Variants in ADAMTS17 observed in about 807,000 individuals in gnomAD.
The protein encoded by ADAMTS17 is A disintegrin and metalloproteinase with thrombospondin motifs 17.
Under a neutral mutation model 141.5 loss-of-function variants are expected in ADAMTS17, and 113 were observed. The ratio of observed to expected loss-of-function variants is 0.80; its 90% CI spans 0.69 to 0.93. The LOEUF is 0.93. ADAMTS17 is among the 40% of genes least tolerant of loss of function. The pLI is 0.00. For missense variants in ADAMTS17, 1,659 were observed against 1,517.9 expected, an observed-to-expected ratio of 1.09 and a Z score of -1.54; for synonymous variants, 768 against 630.6, an observed-to-expected ratio of 1.22 and a Z score of -3.27.
At chr15:100,248,665 T>C (rs1216134001) in intron 7 of ADAMTS17, among the ~76,000 whole-genome samples, 2 of 152,218 alleles carry the variant, frequency 1.3e-5, no homozygotes, top group Non-Finnish European at 1.5e-5. Context: ...CAGATCCTCC[T>C]GCCTTACAGT....
At chr15:100,041,392 A>G (rs2031240967) in intron 18 of ADAMTS17, among the ~76,000 whole-genome samples, 1 of 152,254 alleles carries the variant, frequency 6.6e-6, no homozygotes, top group Non-Finnish European at 1.5e-5. Flanking sequence ...TAAAGACTGC[A>G]AAAATGTTAA....
intron 7 of ADAMTS17, among the ~76,000 whole-genome samples, chr15:100,230,231 G>A (rs1162603894): frequency 1.3e-5 from 2 of 152,220 alleles, no homozygotes; most frequent in Non-Finnish European, 2.9e-5. Flanking sequence ...CGCGGTGCAC[G>A]AAAGCCACAC....
At chr15:100,173,222 C>T (rs375946626) in intron 8 of ADAMTS17, among the ~76,000 whole-genome samples, 41 of 152,120 alleles carry the variant, frequency 2.7e-4, no homozygotes, top group African/African-American at 9.9e-4. Context: ...TCTTTTCCCC[C>T]ACTCCCTACT....
chr15:100,233,157 C>T (rs901407376), intron 7 of ADAMTS17, among the ~76,000 whole-genome samples: 9 of 152,032 alleles, frequency 5.9e-5, no homozygotes, highest in South Asian at 4.2e-4. Context: ...GGTGAAATCC[C>T]GTCTCTACTA....
At chr15:100,200,281 G>A (rs2041276054) in intron 7 of ADAMTS17, among the ~76,000 whole-genome samples, 1 of 152,198 alleles carries the variant, frequency 6.6e-6, no homozygotes, top group African/African-American at 2.4e-5. Flanking sequence ...AGGGGCAGGT[G>A]TTTTCCAGGG....
At chr15:100,010,020 T>C (rs992326821) in intron 18 of ADAMTS17, among the ~76,000 whole-genome samples, 2 of 152,210 alleles carry the variant, frequency 1.3e-5, no homozygotes, top group Admixed American at 1.3e-4. Flanking sequence ...GGTGGTTTTT[T>C]TCCCGTGCTG....
At chr15:100,081,558 G>A (rs1003801312) in intron 15 of ADAMTS17, among the ~76,000 whole-genome samples, 3 of 152,174 alleles carry the variant, frequency 2.0e-5, no homozygotes, top group African/African-American at 7.2e-5. Context: ...ATACTTCTAT[G>A]AATGGCTTTG....
At chr15:100,241,815 C>T (rs1462992980) in intron 7 of ADAMTS17, among the ~76,000 whole-genome samples, 1 of 152,196 alleles carries the variant, frequency 6.6e-6, no homozygotes, top group East Asian at 1.9e-4. Context: ...CAAGCTCCCT[C>T]TCAGCACAAC....
chr15:100,100,434 G>A (rs2036025108), intron 14 of ADAMTS17, among the ~76,000 whole-genome samples: 1 of 152,124 alleles, frequency 6.6e-6, no homozygotes, highest in African/African-American at 2.4e-5. Context: ...ACTACTAAGA[G>A]TCTGCTGAGC....
chr15:100,038,740 C>T (rs1215338407), intron 18 of ADAMTS17, among the ~76,000 whole-genome samples: 1 of 152,136 alleles, frequency 6.6e-6, no homozygotes, highest in Admixed American at 6.5e-5. Context: ...TATCTGTATA[C>T]AAGATCATGT....
intron 10 of ADAMTS17, 117 bp downstream of exon 10, chr15:100,152,495 T>C: frequency 7.4e-7 from 1 of 1,343,440 alleles, no homozygotes; most frequent in Non-Finnish European, 1.1e-6. Flanking sequence ...CCTGTGCTTG[T>C]GTGTGTATGT....
At chr15:100,243,294 TG>T (rs1422362733) in intron 7 of ADAMTS17, among the ~76,000 whole-genome samples, 1 of 152,236 alleles carries the variant, frequency 6.6e-6, no homozygotes, top group Non-Finnish European at 1.5e-5. Flanking sequence ...TGAAGATGGA[TG>T]TACAAATATC....
intron 8 of ADAMTS17, among the ~76,000 whole-genome samples, chr15:100,194,595 A>G (rs1256833679): frequency 1.3e-5 from 2 of 152,188 alleles, no homozygotes; most frequent in African/African-American, 4.8e-5. Flanking sequence ...TCTACTCATC[A>G]TCAGGGGTCA....
chr15:100,081,992 T>C (rs1431352755), intron 15 of ADAMTS17, among the ~76,000 whole-genome samples: 1 of 152,252 alleles, frequency 6.6e-6, no homozygotes, highest in Non-Finnish European at 1.5e-5. Flanking sequence ...ACTCAGACTC[T>C]TTACTTACTA....
chr15:100,160,945 A>G (rs111230569), intron 8 of ADAMTS17, among the ~76,000 whole-genome samples: 3,115 of 152,314 alleles, frequency 0.02, 164 homozygotes, highest in East Asian at 0.19. Context: ...AGAAACTCAT[A>G]TTAGTTTAAG....
At chr15:100,058,186 A>AC (rs112502855) in intron 15 of ADAMTS17, among the ~76,000 whole-genome samples, 7,361 of 19,700 alleles carry the variant, frequency 0.37, 1,897 homozygotes, top group Middle Eastern at 0.5. Context: ...CGGCTCTAAC[A>AC]CCCCTATCCC....
chr15:100,049,104 T>C (rs917647609), intron 17 of ADAMTS17, 112 bp from the exon 18 acceptor site: 28 of 1,501,360 alleles, frequency 1.9e-5, no homozygotes, highest in Non-Finnish European at 2.5e-5. Context: ...CACTTGGTCA[T>C]TTAAAGTGAC....
At chr15:100,098,669 A>G (rs112867443) in intron 14 of ADAMTS17, among the ~76,000 whole-genome samples, 22,152 of 151,828 alleles carry the variant, frequency 0.15, 1,938 homozygotes, top group Admixed American at 0.21. Flanking sequence ...TCTCAAAAAA[A>G]AAAAAAATTA....
chr15:100,041,968 C>G (rs2031296332), intron 18 of ADAMTS17, among the ~76,000 whole-genome samples: 1 of 152,186 alleles, frequency 6.6e-6, no homozygotes, highest in Non-Finnish European at 1.5e-5. Flanking sequence ...TTCACCTTGC[C>G]AGGTTCAACA....
Sources: allele counts gnomAD v4.1 joint callset (sites outside exome capture counted in the v4.1 genomes callset), GRCh38; gene constraint gnomAD v4.1.1; transcripts MANE v1.5; gene names NCBI Gene and HGNC (gene_info 2026-07-23, HGNC 2026-07-21).